The following ADGRF4 variants were observed in gnomAD, a reference collection of about 807,000 sequenced individuals.
ADGRF4 encodes the protein adhesion G protein-coupled receptor F4, also known as G-protein coupled receptor PGR18.
ADGRF4 carries 63 observed loss-of-function variants against 58.5 expected under a neutral mutation model. That is an observed-to-expected ratio of 1.08 (90% CI 0.88 to 1.33). The LOEUF is 1.33. Ranked by LOEUF, ADGRF4 falls within the 40% of genes most tolerant of loss-of-function variation. The pLI is 0.00. For missense variants in ADGRF4, 931 were observed against 843.9 expected, an observed-to-expected ratio of 1.10 and a Z score of -1.28; for synonymous variants, 313 against 295.4, an observed-to-expected ratio of 1.06 and a Z score of -0.61.
Position 47,714,742 on chromosome 6 carries a change from T to C in ADGRF4, c.1497T>C (p.Ile499=). 1 of 1,614,008 alleles carries C rather than the reference T, an allele frequency of 6.2e-7. No homozygotes were observed. Among genetic ancestry groups the C allele is most frequent in the Non-Finnish European group, 8.5e-7 (1 of 1,179,870 alleles). Residue 499 remains isoleucine (I), a synonymous_variant, in exon 6 of 10, where the codon ATT becomes ATC. Transcript: ENST00000283303. Reference sequence around the variant, plus strand: ...TGCTCTTCAAAGCATTGCTCATCATTTATGGAATATTGGTCATTTTCCGTA... The same window carrying C: ...TGCTCTTCAAAGCATTGCTCATCATCTATGGAATATTGGTCATTTTCCGTA... ...FWMLFKALLI[I]YGILVIFRRM...
In ADGRF4 at chr6:47,712,363, A is replaced by G. The variant is rs751361107; in HGVS notation, c.307A>G (p.Thr103Ala). ...CTACATTTGTTTTAAACAGGACTCA[A>G]CTGGTGCATCTCGCCTTTCTGTAGC... ...LSVEKLFKDS[T>A]GASRLSVAAP... The change falls in exon 5 of 10, where the codon ACT becomes GCT. Residue 103 changes from threonine to alanine, a missense_variant. Physicochemically the swap from Thr to Ala is moderately conservative, Grantham distance 58. Transcript: ENST00000283303. 6.2e-7 allele frequency: 1 copy of G among 1,613,898 alleles called. No homozygotes were observed. Among genetic ancestry groups the G allele is most frequent in the Admixed American group, 1.7e-5 (1 of 60,012 alleles).
chr6:47,701,225 A>G (rs1327280610), intron 1 of ADGRF4, among the ~76,000 whole-genome samples: 2 of 152,250 alleles, frequency 1.3e-5, no homozygotes, highest in Non-Finnish European at 2.9e-5. Context: ...ATGTTAGAGC[A>G]GGGAGCCTGG....
At chr6:47,706,474 C>T (rs1287473092) in intron 1 of ADGRF4, among the ~76,000 whole-genome samples, 1 of 152,176 alleles carries the variant, frequency 6.6e-6, no homozygotes, top group African/African-American at 2.4e-5. Flanking sequence ...TATGCCTAGA[C>T]AGACAGTACA....
rs1483096415 is a variant in ADGRF4, at chr6:47,698,691, G to A, written c.-120G>A. 6.6e-6 allele frequency: 1 copy of A among 152,188 alleles called. No individual in the cohort carries two copies. Among genetic ancestry groups the A allele is most frequent in the Non-Finnish European group, 1.5e-5 (1 of 68,060 alleles). The allele number at this position is 152,188 out of a possible 1,614,324, so 9.4% of individuals were successfully genotyped here. A position where few individuals can be genotyped will look rare whatever the true frequency, so the allele number is the denominator to read the frequency against. On this transcript the variant is annotated 5_prime_UTR_variant, in exon 1 of 10. Transcript: ENST00000283303. ...CACAGCCACTGACCAGGGACCGTGG[G>A]AGGTGCCACGTGATGGTGAGGCATC...
intron 1 of ADGRF4, among the ~76,000 whole-genome samples, chr6:47,699,002 A>G (rs977829643): frequency 1.3e-5 from 2 of 152,148 alleles, no homozygotes; most frequent in African/African-American, 4.8e-5. Context: ...TTTCTTTAAG[A>G]GTTGTTTGTC....
intron 7 of ADGRF4, 35 bp downstream of exon 7, chr6:47,716,882 T>A: frequency 6.9e-7 from 1 of 1,442,678 alleles, no homozygotes; most frequent in Non-Finnish European, 9.7e-7. Flanking sequence ...ATAAATGGTT[T>A]TCATGTGGCT....
Position 47,714,731 on chromosome 6 carries a change from T to C in ADGRF4, c.1486T>C (p.Leu496=). 3 of 1,614,056 alleles carry C rather than the reference T, an allele frequency of 1.9e-6. No homozygotes were observed. The highest frequency in any genetic ancestry group is 1.1e-5 in the South Asian group (1 of 91,086). ...GTTTTTCTGGATGCTCTTCAAAGCA[T>C]TGCTCATCATTTATGGAATATTGGT... ...SLFFWMLFKA[L]LIIYGILVIF... The change falls in exon 6 of 10, where the codon TTG becomes CTG. Residue 496 remains leucine (L), a synonymous_variant. Coordinates refer to ENST00000283303, the MANE Select transcript of ADGRF4 (RefSeq NM_153838.5).
At chr6:47,716,063 T>G (rs1281616235) in intron 6 of ADGRF4, among the ~76,000 whole-genome samples, 3 of 152,096 alleles carry the variant, frequency 2.0e-5, no homozygotes, top group Non-Finnish European at 4.4e-5. Flanking sequence ...TGAGTAATGA[T>G]CTCATCCTTT....
chr6:47,706,381 C>G (rs1771710087), intron 1 of ADGRF4, among the ~76,000 whole-genome samples: 2 of 152,202 alleles, frequency 1.3e-5, no homozygotes, highest in African/African-American at 4.8e-5. Flanking sequence ...AGTAGTTTAT[C>G]CATCTCTAAG....
chr6:47,716,776 C>A, intron 6 of ADGRF4, 30 bp from the exon 7 acceptor site: 5 of 1,557,632 alleles, frequency 3.2e-6, no homozygotes, highest in Non-Finnish European at 4.4e-6. Flanking sequence ...GAAAAACCAT[C>A]CCTCATGAAT....
chr6:47,709,268 G>A (rs971222327), intron 3 of ADGRF4, among the ~76,000 whole-genome samples: 1 of 152,148 alleles, frequency 6.6e-6, no homozygotes, highest in African/African-American at 2.4e-5. Context: ...CAACAGCCTC[G>A]TTCTTCCTAT....
intron 9 of ADGRF4, among the ~76,000 whole-genome samples, chr6:47,719,433 A>G (rs1772106321): frequency 6.6e-6 from 1 of 152,178 alleles, no homozygotes; most frequent in Non-Finnish European, 1.5e-5. Context: ...GGAATTTTAT[A>G]GGAGACCTTT....
chr6:47,719,613 C>T (rs1318334726), intron 9 of ADGRF4, among the ~76,000 whole-genome samples: 5 of 152,106 alleles, frequency 3.3e-5, no homozygotes, highest in Non-Finnish European at 7.3e-5. Context: ...TAAAGAACCG[C>T]TTGTTTTAGG....
At chr6:47,706,262 T>A (rs1030867787) in intron 1 of ADGRF4, among the ~76,000 whole-genome samples, 3 of 152,226 alleles carry the variant, frequency 2.0e-5, no homozygotes, top group African/African-American at 7.2e-5. Context: ...TGTAAGGATT[T>A]TTTTTGAGAT....
intron 1 of ADGRF4, among the ~76,000 whole-genome samples, chr6:47,704,495 C>A (rs1771660653): frequency 6.6e-6 from 1 of 152,140 alleles, no homozygotes; most frequent in African/African-American, 2.4e-5. Context: ...GACACACACA[C>A]CCTGTGAAGA....
intron 4 of ADGRF4, among the ~76,000 whole-genome samples, chr6:47,711,141 CATTT>C (rs1771857011): frequency 4.0e-5 from 6 of 151,242 alleles, no homozygotes; most frequent in African/African-American, 1.5e-4. Context: ...ATATGAAACT[CATTT>C]ATGCTATTGT....
chr6:47,719,791 A>G (rs1265397402), intron 9 of ADGRF4, among the ~76,000 whole-genome samples: 1 of 152,202 alleles, frequency 6.6e-6, no homozygotes, highest in Non-Finnish European at 1.5e-5. Context: ...ATCAGGAGCT[A>G]CACTACTTAC....
At chr6:47,706,831 G>C (rs1771721116) in intron 1 of ADGRF4, among the ~76,000 whole-genome samples, 1 of 152,206 alleles carries the variant, frequency 6.6e-6, no homozygotes, top group South Asian at 2.1e-4. Flanking sequence ...AATGAAGATA[G>C]TAATAGCATC....
At position 47,713,953 on chromosome 6, in the gene ADGRF4, T is replaced by C. The variant is rs1771934500; in HGVS notation, c.708T>C (p.Asn236=). ...ACAATAATTCTGAGAACATTGTGAA[T>C]GAACTCTTCATTCAGACAAAAGGGT... ...HIHNNSENIV[N]ELFIQTKGFH... is the part of the protein sequence containing the mutation. Residue 236 remains asparagine (N), a synonymous_variant, in exon 6 of 10, where the codon AAT becomes AAC. Transcript: ENST00000283303. The C allele has an allele frequency of 6.2e-7, 1 of 1,607,514 alleles. No individual in the cohort carries two copies. Among genetic ancestry groups the C allele is most frequent in the Non-Finnish European group, 8.5e-7 (1 of 1,177,012 alleles).
Sources: gnomAD v4.1 joint callset for allele counts (sites outside exome capture counted in the v4.1 genomes callset) on GRCh38, gnomAD v4.1.1 for gene constraint, MANE v1.5 for transcripts, NCBI Gene and HGNC (gene_info 2026-07-23, HGNC 2026-07-21) for gene names.